Variants in TECR observed in about 807,000 individuals in gnomAD.
The protein encoded by TECR is very-long-chain enoyl-CoA reductase.
TECR carries 19 observed loss-of-function variants against 50.6 expected under a neutral mutation model. The observed-to-expected ratio is 0.38, with a 90% CI of 0.26 to 0.55. The LOEUF is 0.55. Ranked by LOEUF, TECR falls within the 20% of genes least tolerant of loss-of-function variation. The pLI, the probability that TECR is intolerant of heterozygous loss-of-function variation, is 0.79. For missense variants in TECR, 313 were observed against 408.3 expected (o/e 0.77, Z 2.01); for synonymous variants, 168 against 163.5 (o/e 1.03, Z -0.21).
rs2073978548 is a variant in TECR, at chr19:14,563,905, TG to T, written c.267+3del. On this transcript the variant is annotated splice_donor_region_variant and intron_variant, in intron 5 of 12. Coordinates refer to ENST00000215567, the MANE Select transcript of TECR (RefSeq NM_138501.6). This position sits in a 1 kb window ranked among gnomAD's most constrained non-coding sequence, Gnocchi z 5.3. ...GGGGCCCAGATCAGCTGGGTGACGGTGAGTCCTGACCCTACCCACGGCCTCT... is the reference window on the plus strand; with the variant it reads ...GGGGCCCAGATCAGCTGGGTGACGGTAGTCCTGACCCTACCCACGGCCTCT... 6.2e-7 allele frequency: 1 copy of T among 1,613,902 alleles called. No homozygotes were observed. The highest frequency in any genetic ancestry group is 1.7e-5 in the Admixed American group (1 of 59,998).
intron 1 of TECR, among the ~76,000 whole-genome samples, chr19:14,554,832 G>A (rs754957521): frequency 6.6e-6 from 1 of 151,934 alleles, no homozygotes; most frequent in African/African-American, 2.4e-5. Context: ...AGGTTGGAGT[G>A]CAGTGGCCTG....
chr19:14,531,705 A>C (rs555805458), intron 1 of TECR: 1 of 152,342 alleles, frequency 6.6e-6, no homozygotes, highest in African/African-American at 2.4e-5. Flanking sequence ...TACAGGCATG[A>C]GCCACGGTGC....
chr19:14,554,910 C>G (rs1007169727), intron 1 of TECR, among the ~76,000 whole-genome samples: 1 of 151,906 alleles, frequency 6.6e-6, no homozygotes, highest in Non-Finnish European at 1.5e-5. Context: ...TCCTGAGTAG[C>G]TGGGACTACA....
At position 14,563,924 on chromosome 19, in the gene TECR, C is replaced by A; in HGVS notation, c.267+21C>A. The stretch of plus-strand genomic sequence containing the variant: ...TGACGGTGAGTCCTGACCCTACCCA[C>A]GGCCTCTTTTCCCGTCAGCCACGTT... On this transcript the variant is annotated intron_variant, in intron 5 of 12. Transcript: ENST00000215567. This position sits in a 1 kb window ranked among gnomAD's most constrained non-coding sequence, Gnocchi z 5.3. The A allele has an allele frequency of 6.2e-7, 1 of 1,613,954 alleles. No individual in the cohort carries two copies. The highest frequency in any genetic ancestry group is 8.5e-7 in the Non-Finnish European group (1 of 1,179,856).
chr19:14,543,411 A>AT (rs2073180838), intron 1 of TECR, among the ~76,000 whole-genome samples: 1 of 9,114 alleles, frequency 1.1e-4, no homozygotes, highest in African/African-American at 3.6e-4. Flanking sequence ...ATATATATAT[A>AT]TATATATATT....
At chr19:14,564,575 A>T in intron 7 of TECR, 1 of 19,408 alleles carries the variant, frequency 5.2e-5, no homozygotes, top group East Asian at 1.2e-3. Context: ...GCCCCGCCCC[A>T]GTTTCACCCC....
chr19:14,563,796 G>T lies in TECR; in HGVS notation c.164-4G>T, dbSNP rs574815285. The T allele has an allele frequency of 1.2e-6, 2 of 1,613,742 alleles. No individual in the cohort carries two copies. Among genetic ancestry groups the T allele is most frequent in the African/African-American group, 2.7e-5 (2 of 75,022 alleles). The stretch of plus-strand genomic sequence containing the variant: ...CCCCTGAGCCCTGGCCCGCCTCTCT[G>T]CAGAGGGCAAGTCCCTGAAGGATGA... On this transcript the variant is annotated splice_polypyrimidine_tract_variant and splice_region_variant and intron_variant, in intron 4 of 12. Coordinates refer to ENST00000215567, the MANE Select transcript of TECR (RefSeq NM_138501.6). The surrounding 1 kb of genome is among the most constrained non-coding windows in gnomAD (Gnocchi z 5.3).
chr19:14,537,223 C>A (rs1474418097), intron 1 of TECR, among the ~76,000 whole-genome samples: 7 of 87,534 alleles, frequency 8.0e-5, no homozygotes, highest in Admixed American at 4.4e-4. Context: ...GAGGAGGAGG[C>A]GGGGCAAGAA....
At chr19:14,564,520 C>G (rs1478863322) in intron 7 of TECR, among the ~76,000 whole-genome samples, 25 of 114,900 alleles carry the variant, frequency 2.2e-4, no homozygotes, top group Non-Finnish European at 3.9e-4. Context: ...CCACCCTAGT[C>G]CCACCCCTAG....
intron 1 of TECR, among the ~76,000 whole-genome samples, chr19:14,540,513 T>C (rs1425152494): frequency 6.6e-6 from 1 of 152,134 alleles, no homozygotes; most frequent in African/African-American, 2.4e-5. Flanking sequence ...TGCCTCAGCC[T>C]CCCGAGTAGC....
intron 1 of TECR, among the ~76,000 whole-genome samples, chr19:14,549,962 A>G (rs1209378162): frequency 6.6e-6 from 1 of 151,948 alleles, no homozygotes; most frequent in Non-Finnish European, 1.5e-5. Flanking sequence ...AATAAAAAAA[A>G]TAAACTATAC....
upstream of TECR, chr19:14,529,145 G>A: frequency 5.5e-6 from 1 of 181,464 alleles, no homozygotes; most frequent in South Asian, 8.8e-5. Flanking sequence ...ACCAGACTCC[G>A]CAGCCCGCGA....
chr19:14,549,671 G>T (rs112590007), intron 1 of TECR, among the ~76,000 whole-genome samples: 21,980 of 151,828 alleles, frequency 0.14, 1,889 homozygotes, highest in South Asian at 0.24. Context: ...TAGGCCAGGC[G>T]CAGTGGCTCA....
intron 1 of TECR, among the ~76,000 whole-genome samples, chr19:14,542,195 G>A (rs1337973900): frequency 6.6e-6 from 1 of 151,864 alleles, no homozygotes; most frequent in East Asian, 1.9e-4. Context: ...CAACTCTTGG[G>A]CTCAAGTGAT....
chr19:14,537,096 G>A (rs1345334885), intron 1 of TECR, among the ~76,000 whole-genome samples: 1 of 146,812 alleles, frequency 6.8e-6, no homozygotes, highest in Non-Finnish European at 1.5e-5. Flanking sequence ...CTGAGGAGGA[G>A]GAGGGGGCAG....
At chr19:14,562,981 GC>G (rs956860003) in intron 2 of TECR, among the ~76,000 whole-genome samples, 3 of 152,076 alleles carry the variant, frequency 2.0e-5, no homozygotes, top group African/African-American at 7.2e-5. Context: ...CGGGCTGGGG[GC>G]CTGCTGGCTG....
chr19:14,562,507 G>C lies in TECR; in HGVS notation c.16-18G>C, dbSNP rs776273046. On this transcript the variant is annotated intron_variant, in intron 1 of 12. Transcript: ENST00000215567. ...AAAGGTGGCCAAGAAACCTAAAAAG[G>C]CTGTTCTCTTCTTCGAGGTGGAGAT... The C allele has an allele frequency of 2.5e-6, 4 of 1,614,226 alleles. No homozygotes were observed. Among genetic ancestry groups the C allele is most frequent in the Non-Finnish European group, 2.5e-6 (3 of 1,180,026 alleles).
intron 1 of TECR, among the ~76,000 whole-genome samples, chr19:14,537,631 G>C (rs1325976904): frequency 6.6e-6 from 1 of 152,150 alleles, no homozygotes; most frequent in African/African-American, 2.4e-5. Context: ...CCTTCTTGCT[G>C]ATACTGATAG....
chr19:14,547,658 AAT>A (rs1491146594), intron 1 of TECR, among the ~76,000 whole-genome samples: 120 of 126,910 alleles, frequency 9.5e-4, no homozygotes, highest in African/African-American at 3.6e-3. Context: ...CACTGTACCT[AAT>A]ATTTTTTTTT....
Sources: gnomAD v4.1 joint callset for allele counts (sites outside exome capture counted in the v4.1 genomes callset) on GRCh38, gnomAD v4.1.1 for gene constraint, Gnocchi (gnomAD v3.1) non-coding constraint, MANE v1.5 for transcripts, NCBI Gene and HGNC (gene_info 2026-07-23, HGNC 2026-07-21) for gene names.